The following LRP1B variants were observed in gnomAD, a reference collection of about 807,000 sequenced individuals.
The protein encoded by LRP1B is LDL receptor related protein 1B.
A neutral mutation model predicts 556.6 loss-of-function variants in LRP1B; 217 were observed. The observed-to-expected ratio is 0.39, with a 90% CI of 0.35 to 0.44. The LOEUF (loss-of-function observed/expected upper bound fraction) is 0.44, where lower values mean the gene tolerates loss of function less well. Among genes scored for constraint, LRP1B ranks in the 20% least tolerant of loss-of-function variants. The pLI, the probability that LRP1B is intolerant of heterozygous loss-of-function variation, is 1.00. For missense variants in LRP1B, 5,053 were observed against 5,620.8 expected, an observed-to-expected ratio of 0.90 and a Z score of 3.23; for synonymous variants, 2,047 against 1,865.8, an observed-to-expected ratio of 1.10 and a Z score of -2.50.
intron 85 of LRP1B, among the ~76,000 whole-genome samples, chr2:140,273,774 G>A (rs992433505): frequency 4.6e-5 from 7 of 152,000 alleles, no homozygotes; most frequent in Non-Finnish European, 1.0e-4. Flanking sequence ...GGCATAAACT[G>A]GTTTCACGAT....
intron 3 of LRP1B, among the ~76,000 whole-genome samples, chr2:141,298,674 G>T (rs956386470): frequency 2.0e-5 from 3 of 152,074 alleles, no homozygotes; most frequent in African/African-American, 7.2e-5. Context: ...TGTAAGTGAG[G>T]CCAGGCGTGG....
intron 60 of LRP1B, among the ~76,000 whole-genome samples, chr2:140,472,814 A>T (rs1687823793): frequency 6.6e-6 from 1 of 152,082 alleles, no homozygotes; most frequent in African/African-American, 2.4e-5. Flanking sequence ...GGCTTATGAG[A>T]AAGGGCTGTT....
chr2:140,783,406 T>G (rs1013902136), intron 32 of LRP1B, among the ~76,000 whole-genome samples: 3 of 152,116 alleles, frequency 2.0e-5, no homozygotes, highest in Non-Finnish European at 4.4e-5. Context: ...TGGAATTAAA[T>G]TTTAACTGGG....
intron 1 of LRP1B, among the ~76,000 whole-genome samples, chr2:141,837,316 GC>G (rs1697318516): frequency 6.6e-6 from 1 of 151,948 alleles, no homozygotes; most frequent in African/African-American, 2.4e-5. Flanking sequence ...TTAAGAAGAT[GC>G]TTTTTCTTTT....
At chr2:140,420,281 T>G (rs1266550248) in intron 66 of LRP1B, among the ~76,000 whole-genome samples, 1 of 151,932 alleles carries the variant, frequency 6.6e-6, no homozygotes, top group African/African-American at 2.4e-5. Context: ...AAATAGCAAA[T>G]AAGCCCACAA....
intron 32 of LRP1B, among the ~76,000 whole-genome samples, chr2:140,811,540 T>C (rs540516424): frequency 6.6e-6 from 1 of 152,254 alleles, no homozygotes; most frequent in Non-Finnish European, 1.5e-5. Context: ...ATTTACTGAG[T>C]TCCTTAGTTA....
intron 29 of LRP1B, among the ~76,000 whole-genome samples, chr2:140,843,640 C>T (rs938348748): frequency 4.6e-5 from 7 of 152,136 alleles, no homozygotes; most frequent in Admixed American, 4.6e-4. Context: ...AACCTACCCC[C>T]ATCTCCACTT....
chr2:141,703,404 G>GTT (rs1209077541), intron 2 of LRP1B, among the ~76,000 whole-genome samples: 1 of 151,832 alleles, frequency 6.6e-6, no homozygotes, highest in Non-Finnish European at 1.5e-5. Flanking sequence ...ATGTTAGCCT[G>GTT]TTTTTATGTA....
intron 86 of LRP1B, among the ~76,000 whole-genome samples, chr2:140,270,023 C>T (rs1038122727): frequency 7.9e-5 from 12 of 151,892 alleles, no homozygotes; most frequent in Non-Finnish European, 1.5e-4. Context: ...TGAAATGGTA[C>T]GATGCTGAGA....
At chr2:140,679,727 A>G (rs1467191509) in intron 41 of LRP1B, among the ~76,000 whole-genome samples, 2 of 151,968 alleles carry the variant, frequency 1.3e-5, no homozygotes, top group African/African-American at 4.8e-5. Flanking sequence ...AGAACTGGAG[A>G]AACTGGTGCC....
chr2:142,083,828 A>T (rs72849878), intron 1 of LRP1B, among the ~76,000 whole-genome samples: 10,458 of 152,244 alleles, frequency 0.069, 481 homozygotes, highest in Non-Finnish European at 0.094. Context: ...TTCCAATTTA[A>T]ATCTGTTCTG....
At chr2:140,644,245 A>G (rs1684400163) in intron 41 of LRP1B, among the ~76,000 whole-genome samples, 1 of 152,200 alleles carries the variant, frequency 6.6e-6, no homozygotes, top group South Asian at 2.1e-4. Context: ...TTATAAATGT[A>G]TATCTATTAA....
chr2:141,528,760 G>T (rs1017659114), intron 2 of LRP1B, among the ~76,000 whole-genome samples: 4 of 152,068 alleles, frequency 2.6e-5, no homozygotes, highest in African/African-American at 9.7e-5. Flanking sequence ...AGAAGCCCTG[G>T]TTGAGCTACT....
chr2:141,247,405 T>C, intron 4 of LRP1B, 51 bp from the exon 5 acceptor site: 4 of 1,588,570 alleles, frequency 2.5e-6, no homozygotes, highest in Non-Finnish European at 3.4e-6. Flanking sequence ...TTGGGCACTT[T>C]TTTTTCTCCT....
intron 16 of LRP1B, among the ~76,000 whole-genome samples, chr2:140,991,932 T>C (rs1697103895): frequency 6.6e-6 from 1 of 152,088 alleles, no homozygotes; most frequent in African/African-American, 2.4e-5. Context: ...CAGGAAGTAT[T>C]GTATATGTGA....
At chr2:141,066,757 T>A (rs1365753339) in intron 7 of LRP1B, among the ~76,000 whole-genome samples, 2 of 151,948 alleles carry the variant, frequency 1.3e-5, no homozygotes, top group Non-Finnish European at 1.5e-5. Context: ...GACTTATCAT[T>A]CATTTTAACT....
At chr2:140,578,013 G>T (rs1681601470) in intron 43 of LRP1B, among the ~76,000 whole-genome samples, 1 of 151,968 alleles carries the variant, frequency 6.6e-6, no homozygotes. Flanking sequence ...CAATATAAAA[G>T]AATGATTAAA....
chr2:140,792,393 C>T (rs1690153528), intron 32 of LRP1B, among the ~76,000 whole-genome samples: 1 of 152,122 alleles, frequency 6.6e-6, no homozygotes. Flanking sequence ...TGTTGACAAT[C>T]CTGTTTTATC....
chr2:140,656,275 T>A (rs568675899), intron 41 of LRP1B, among the ~76,000 whole-genome samples: 24 of 152,290 alleles, frequency 1.6e-4, no homozygotes, highest in African/African-American at 5.5e-4. Flanking sequence ...AAACTGGACA[T>A]TTTTTGTCTT....
Sources: gnomAD v4.1 joint callset for allele counts (sites outside exome capture counted in the v4.1 genomes callset) on GRCh38, gnomAD v4.1.1 for gene constraint, MANE v1.5 for transcripts, NCBI Gene and HGNC (gene_info 2026-07-23, HGNC 2026-07-21) for gene names.